Variants in ARHGEF33 observed in about 807,000 individuals in gnomAD.
ARHGEF33 encodes the protein Rho guanine nucleotide exchange factor 33, also known as DH and coiled-coil domain-containing protein ENSP00000381780.
A neutral mutation model predicts 101.9 loss-of-function variants in ARHGEF33; 72 were observed. The ratio of observed to expected loss-of-function variants is 0.71; its 90% CI spans 0.58 to 0.86. The LOEUF (loss-of-function observed/expected upper bound fraction) is 0.86, where lower values mean the gene tolerates loss of function less well. Among genes scored for constraint, ARHGEF33 ranks in the 40% least tolerant of loss-of-function variants. The pLI is 0.00. For missense variants in ARHGEF33, 1,169 were observed against 1,111.3 expected (o/e 1.05, Z -0.74); for synonymous variants, 499 against 442.5 (o/e 1.13, Z -1.60).
intron 11 of ARHGEF33, among the ~76,000 whole-genome samples, chr2:38,952,942 A>C (rs981194035): frequency 6.6e-6 from 1 of 152,102 alleles, no homozygotes; most frequent in Admixed American, 6.6e-5. Context: ...CAGGCAATCC[A>C]CCTGCCTTGG....
chr2:38,972,827 A>G (rs1668194423), intron 17 of ARHGEF33, among the ~76,000 whole-genome samples: 1 of 152,202 alleles, frequency 6.6e-6, no homozygotes, highest in South Asian at 2.1e-4. Flanking sequence ...GGTCAGTTGT[A>G]TAGAAGCTTT....
chr2:38,936,572 T>G (rs189522287), intron 8 of ARHGEF33, among the ~76,000 whole-genome samples: 73 of 152,340 alleles, frequency 4.8e-4, no homozygotes, highest in African/African-American at 1.7e-3. Context: ...AGAGGATGTA[T>G]AGACCAGAAA....
intron 17 of ARHGEF33, among the ~76,000 whole-genome samples, chr2:38,966,658 C>T (rs1668058819): frequency 6.6e-6 from 1 of 152,086 alleles, no homozygotes; most frequent in South Asian, 2.1e-4. Flanking sequence ...TTGGCTTGGC[C>T]CTAGTTAGAA....
chr2:38,916,079 A>G (rs1666626171), intron 2 of ARHGEF33, among the ~76,000 whole-genome samples: 1 of 152,238 alleles, frequency 6.6e-6, no homozygotes, highest in South Asian at 2.1e-4. Context: ...TCATATGTAC[A>G]TATGTGACCA....
chr2:38,952,273 T>A (rs1449487924), intron 11 of ARHGEF33, among the ~76,000 whole-genome samples: 1 of 152,262 alleles, frequency 6.6e-6, no homozygotes, highest in African/African-American at 2.4e-5. Context: ...AGAGTGCATA[T>A]AATGTACTAA....
In ARHGEF33 at chr2:38,958,105, C is replaced by G. The variant is rs1667816176; in HGVS notation, c.1442C>G (p.Thr481Ser). Residue 481 changes from threonine (T) to serine (S), a missense_variant, in exon 15 of 18, where the codon ACT becomes AGT. Physicochemically the swap from Thr to Ser is moderately conservative, Grantham distance 58. Transcript: ENST00000409978. ...AATGCTGGGCAAGATGCTTCCCCCA[C>G]TGCAGGTCCTGAGGCTGTCCGTGAC... ...CANAGQDASPTAGPEAVRDTG... is the reference protein window; with the variant it reads ...CANAGQDASPSAGPEAVRDTG... 6.4e-7 allele frequency: 1 copy of G among 1,552,182 alleles called. No individual in the cohort carries two copies. The highest frequency in any genetic ancestry group is 8.7e-7 in the Non-Finnish European group (1 of 1,147,112).
chr2:38,968,862 G>T (rs548932338), intron 17 of ARHGEF33, among the ~76,000 whole-genome samples: 7 of 152,310 alleles, frequency 4.6e-5, no homozygotes, highest in African/African-American at 1.7e-4. Context: ...TGGAGACTTT[G>T]CATGGGTTGA....
chr2:38,906,960 A>G (rs919588461), intron 2 of ARHGEF33, among the ~76,000 whole-genome samples: 7 of 152,120 alleles, frequency 4.6e-5, no homozygotes, highest in African/African-American at 1.7e-4. Context: ...TCAAAAAAAG[A>G]TGATCCTTGG....
chr2:38,962,037 C>T (rs781006163), intron 16 of ARHGEF33, among the ~76,000 whole-genome samples: 5 of 152,174 alleles, frequency 3.3e-5, no homozygotes, highest in Non-Finnish European at 7.3e-5. Flanking sequence ...CAGTGAAAGT[C>T]TGTGTCTGGT....
rs1424089693 is a variant in ARHGEF33 at position 38,953,210 on chromosome 2, T to G, written c.1102T>G (p.Cys368Gly). The change falls in exon 12 of 18, where the codon TGC becomes GGC. Residue 368 changes from cysteine (C) to glycine (G), a missense_variant. Physicochemically the swap from Cys to Gly is radical, Grantham distance 159 (BLOSUM62 -3). Coordinates refer to ENST00000409978, the MANE Select transcript of ARHGEF33 (RefSeq NM_001145451.5). Reference protein sequence around the residue: ...YVAYLRDLPECISLVHVVVLK... With the variant: ...YVAYLRDLPEGISLVHVVVLK... ...TGCCTACCTAAGGGACCTGCCTGAG[T>G]GCATCTCATTGGTTCATGTTGTAGT... 6.5e-7 allele frequency: 1 copy of G among 1,545,006 alleles called. No homozygotes were observed. The highest frequency in any genetic ancestry group is 8.8e-7 in the Non-Finnish European group (1 of 1,140,498).
rs984575843 is a variant in ARHGEF33 at position 38,975,394 on chromosome 2, C to T, written c.*1551C>T. On this transcript the variant is annotated 3_prime_UTR_variant, in exon 18 of 18. Transcript: ENST00000409978. ...CAAGCACAACGCCAAATCGACTGGACGTGGAAAGTGAAATACTACAGAAGT... is the reference window on the plus strand; with the variant it reads ...CAAGCACAACGCCAAATCGACTGGATGTGGAAAGTGAAATACTACAGAAGT... The T allele has an allele frequency of 1.3e-5, 2 of 152,222 alleles. No individual in the cohort carries two copies. Among genetic ancestry groups the T allele is most frequent in the African/African-American group, 4.8e-5 (2 of 41,544 alleles). The allele number at this position is 152,222 out of a possible 1,614,324, so 9.4% of individuals were successfully genotyped here. A position where few individuals can be genotyped will look rare whatever the true frequency, so the allele number is the denominator to read the frequency against.
chr2:38,951,255 A>C, intron 11 of ARHGEF33, 134 bp downstream of exon 11: 2 of 842,704 alleles, frequency 2.4e-6, no homozygotes, highest in Non-Finnish European at 3.6e-6. Context: ...TAACTTTCTC[A>C]TTCTACATAC....
intron 2 of ARHGEF33, among the ~76,000 whole-genome samples, chr2:38,913,225 T>C (rs1363723094): frequency 2.6e-5 from 4 of 152,102 alleles, no homozygotes; most frequent in Non-Finnish European, 5.9e-5. Flanking sequence ...CGTAGTTTCC[T>C]AGGAAAATAC....
At chr2:38,894,878 G>A (rs1171606499) in intron 1 of ARHGEF33, among the ~76,000 whole-genome samples, 1 of 152,106 alleles carries the variant, frequency 6.6e-6, no homozygotes, top group Non-Finnish European at 1.5e-5. Context: ...GTCAGAGCCA[G>A]TATCAGGCCT....
chr2:38,954,446 T>C lies in ARHGEF33; in HGVS notation c.1211T>C (p.Ile404Thr). 1 of 1,549,294 alleles carries C rather than the reference T, an allele frequency of 6.5e-7. No individual in the cohort carries two copies. Among genetic ancestry groups the C allele is most frequent in the Non-Finnish European group, 8.7e-7 (1 of 1,144,812 alleles). The change falls in exon 13 of 18, where the codon ATA (isoleucine) becomes ACA (threonine). Residue 404 changes from isoleucine to threonine, a missense_variant. Ile to Thr is a moderately conservative substitution (Grantham distance 89). Coordinates refer to ENST00000409978, the MANE Select transcript of ARHGEF33 (RefSeq NM_001145451.5). ...GTCCAGCGCATCCCTGAATATCTGA[T>C]ACATCTGCAGGTAGGCATGGGTGGG... ...HIVQRIPEYL[I>T]HLQNVLKFTE...
chr2:38,959,884 C>T lies in ARHGEF33; in HGVS notation c.1579C>T (p.Leu527=). The stretch of plus-strand genomic sequence containing the variant: ...GAAGAAAAGCCAACAGCAGCAAAGC[C>T]TGATGGAGAGCATGCAGCCCGGGAA... ...PVKKSQQQQS[L]MESMQPGKPS... is the part of the protein sequence containing the mutation. The change falls in exon 16 of 18, where the codon CTG becomes TTG. Residue 527 remains leucine (L), a synonymous_variant. Transcript: ENST00000409978. 6.4e-7 allele frequency: 1 copy of T among 1,551,798 alleles called. No homozygotes were observed. Among genetic ancestry groups the T allele is most frequent in the Non-Finnish European group, 8.7e-7 (1 of 1,146,866 alleles).
At position 38,973,800 on chromosome 2, in the gene ARHGEF33, G is replaced by A; in HGVS notation, c.2570G>A (p.Arg857Gln). The A allele has an allele frequency of 1.9e-6, 3 of 1,549,052 alleles. No individual in the cohort carries two copies. The highest frequency in any genetic ancestry group is 1.2e-5 in the South Asian group (1 of 83,942). ...ACCAAACAAGATTTCTTCAGAAACC[G>A]ACTTGCTCTTGCAAATGACCTTGAC... is the stretch of plus-strand genomic sequence containing the variant. ...SPTKQDFFRN[R>Q]LALANDLDQG... is the part of the protein sequence containing the mutation. The change falls in exon 18 of 18, where the codon CGA (arginine) becomes CAA (glutamine). Residue 857 changes from arginine (R) to glutamine (Q), a missense_variant. By Grantham distance (43) the Arg-to-Gln change is conservative. Coordinates refer to ENST00000409978, the MANE Select transcript of ARHGEF33 (RefSeq NM_001145451.5).
At position 38,974,637 on chromosome 2, in the gene ARHGEF33, TTGAG is replaced by T. The variant is rs1668237287; in HGVS notation, c.*797_*800del. 6.6e-6 allele frequency: 1 copy of T among 152,228 alleles called. No individual in the cohort carries two copies. Among genetic ancestry groups the T allele is most frequent in the Admixed American group, 6.5e-5 (1 of 15,272 alleles). 9.4% of individuals were successfully genotyped at this position (152,228 alleles called of 1,614,324 possible). ...CAGTATTCAAGACCCACTCGTGATC[TTGAG>T]TGTCACACACACTCACAACCAGATG... On this transcript the variant is annotated 3_prime_UTR_variant, in exon 18 of 18. Transcript: ENST00000409978.
At position 38,973,564 on chromosome 2, in the gene ARHGEF33, T is replaced by C. The variant is rs543290801; in HGVS notation, c.2484-150T>C. The C allele has an allele frequency of 6.2e-5, 47 of 761,822 alleles. No individual in the cohort carries two copies. In the African/African-American group the frequency reaches 7.7e-4, roughly 13 times the overall value. 47.2% of individuals were successfully genotyped at this position (761,822 alleles called of 1,614,324 possible). ...TCAATGCAAATCTTAGATACACATGTCCTAAGTCATGAAATTCAGGGGAGT... is the reference window on the plus strand; with the variant it reads ...TCAATGCAAATCTTAGATACACATGCCCTAAGTCATGAAATTCAGGGGAGT... On this transcript the variant is annotated intron_variant, in intron 17 of 17. Coordinates refer to ENST00000409978, the MANE Select transcript of ARHGEF33 (RefSeq NM_001145451.5).
Sources: allele counts gnomAD v4.1 joint callset (sites outside exome capture counted in the v4.1 genomes callset), GRCh38; gene constraint gnomAD v4.1.1; transcripts MANE v1.5; gene names NCBI Gene and HGNC (gene_info 2026-07-23, HGNC 2026-07-21).